PATJ: variants seen among roughly 807,000 people sequenced by gnomAD.
The protein encoded by PATJ is inaD-like protein.
In PATJ, 190 loss-of-function variants were observed where a neutral mutation model predicts 224.9. The observed-to-expected ratio is 0.84, with a 90% confidence interval of 0.75 to 0.95. PATJ has a LOEUF of 0.95. PATJ is among the 40% of genes least tolerant of loss of function. The pLI, the probability that PATJ is intolerant of heterozygous loss-of-function variation, is 0.00. For missense variants in PATJ, 2,121 were observed against 2,270.3 expected, an observed-to-expected ratio of 0.93 and a Z score of 1.34; for synonymous variants, 769 against 820.3, an observed-to-expected ratio of 0.94 and a Z score of 1.07.
At chr1:61,934,931 G>C (rs1271508477) in intron 27 of PATJ, among the ~76,000 whole-genome samples, 7 of 152,162 alleles carry the variant, frequency 4.6e-5, no homozygotes, top group Non-Finnish European at 1.0e-4. Flanking sequence ...GTGCAGAACA[G>C]CTTGACTTCT....
intron 3 of PATJ, among the ~76,000 whole-genome samples, chr1:61,764,837 A>C (rs1355067921): frequency 2.0e-5 from 3 of 152,130 alleles, no homozygotes; most frequent in African/African-American, 7.2e-5. Context: ...TGGTCACAGA[A>C]TATCACAATA....
intron 25 of PATJ, among the ~76,000 whole-genome samples, chr1:61,912,858 G>A (rs1283283670): frequency 6.6e-6 from 1 of 152,148 alleles, no homozygotes; most frequent in Non-Finnish European, 1.5e-5. Context: ...GACTTGTCAG[G>A]GAGGCAAAGT....
chr1:62,043,114 G>A (rs1437868417), intron 30 of PATJ, among the ~76,000 whole-genome samples: 1 of 152,118 alleles, frequency 6.6e-6, no homozygotes, highest in Non-Finnish European at 1.5e-5. Context: ...AATTACCTGT[G>A]GGCATACAAC....
At chr1:62,104,069 A>T (rs1263743115) in intron 33 of PATJ, among the ~76,000 whole-genome samples, 8 of 140,572 alleles carry the variant, frequency 5.7e-5, no homozygotes, top group Non-Finnish European at 3.1e-5. Context: ...AATCACTGGT[A>T]TTTGTAGGCT....
At chr1:61,853,214 T>C (rs1447242310) in intron 17 of PATJ, among the ~76,000 whole-genome samples, 1 of 152,208 alleles carries the variant, frequency 6.6e-6, no homozygotes, top group Non-Finnish European at 1.5e-5. Context: ...AAGGAAAATA[T>C]ATTCACCTTT....
rs187607587 is a variant in PATJ, at chr1:61,859,813, T to G, written c.2323-1738T>G. Among the ~76,000 whole-genome samples, 17 of 152,234 alleles carry G rather than the reference T, an allele frequency of 1.1e-4. 1 individual carries two copies. In the East Asian group the frequency reaches 3.3e-3, roughly 29 times the overall value. ...TTTTGTATTTTTAGTAGAGACAGTG[T>G]TTCTCCAGGCTGGGCAGGTTGGTCT... On this transcript the variant is annotated intron_variant, in intron 18 of 43. Coordinates refer to ENST00000642238, the MANE Select transcript of PATJ (RefSeq NM_001350145.3).
At chr1:61,905,945 A>G (rs185324317) in intron 24 of PATJ, among the ~76,000 whole-genome samples, 126 of 152,284 alleles carry the variant, frequency 8.3e-4, no homozygotes, top group Non-Finnish European at 1.4e-3. Context: ...TTCCAATACT[A>G]TGTACTTGGA....
chr1:62,151,485 G>C lies in PATJ; in HGVS notation c.5379-1873G>C, dbSNP rs542637238. Among the ~76,000 whole-genome samples the C allele has an allele frequency of 1.2e-4, 19 of 152,248 alleles. No homozygotes were observed. In the East Asian group the frequency reaches 3.3e-3, roughly 26 times the overall value. On this transcript the variant is annotated intron_variant, in intron 42 of 43. Coordinates refer to ENST00000642238, the MANE Select transcript of PATJ (RefSeq NM_001350145.3). ...AGGCGCCTGTAGTCCCAGCTACTCG[G>C]GAGGCTGAGGCAGGAGAATGGCATA...
intron 33 of PATJ, among the ~76,000 whole-genome samples, chr1:62,104,203 T>C (rs1662592684): frequency 1.3e-5 from 2 of 152,130 alleles, no homozygotes; most frequent in Non-Finnish European, 2.9e-5. Flanking sequence ...AGCATTAAAA[T>C]TTAGGAGGAT....
chr1:62,053,039 G>C (rs1364962260), intron 31 of PATJ, among the ~76,000 whole-genome samples: 1 of 152,184 alleles, frequency 6.6e-6, no homozygotes, highest in Non-Finnish European at 1.5e-5. Flanking sequence ...GAAGAATCTG[G>C]TAGTCCCAGC....
intron 29 of PATJ, among the ~76,000 whole-genome samples, chr1:62,024,883 C>T (rs1469346520): frequency 1.3e-5 from 2 of 152,084 alleles, no homozygotes; most frequent in African/African-American, 4.8e-5. Flanking sequence ...TGACTTGATA[C>T]GAATGGTGTT....
rs1429394767 is a variant in PATJ, at chr1:62,086,883, G to A, written c.4377+2235G>A. 6.6e-6 allele frequency among the ~76,000 whole-genome samples: 1 copy of A among 152,132 alleles called. No homozygotes were observed. Among genetic ancestry groups the A allele is most frequent in the Non-Finnish European group, 1.5e-5 (1 of 68,022 alleles). ...GTGCCGGCAGGAGCAGGCTCTGTGG[G>A]GTCCCCTCGGCCAGACCAGGTAGGG... On this transcript the variant is annotated intron_variant, in intron 33 of 43. Coordinates refer to ENST00000642238, the MANE Select transcript of PATJ (RefSeq NM_001350145.3). This position sits in a 1 kb window ranked among gnomAD's most constrained non-coding sequence, Gnocchi z 4.0.
chr1:62,042,512 A>T (rs189061173), intron 30 of PATJ, among the ~76,000 whole-genome samples: 1 of 152,364 alleles, frequency 6.6e-6, no homozygotes, highest in Admixed American at 6.5e-5. Flanking sequence ...TCAAATCATA[A>T]CCAAATAGAT....
chr1:62,135,982 C>T (rs1166651576), intron 41 of PATJ, among the ~76,000 whole-genome samples: 2 of 146,274 alleles, frequency 1.4e-5, no homozygotes, highest in East Asian at 4.1e-4. Flanking sequence ...TCGAATTTTA[C>T]TCCAAGTGCT....
At chr1:61,954,490 G>C (rs1680154044) in intron 27 of PATJ, among the ~76,000 whole-genome samples, 1 of 152,046 alleles carries the variant, frequency 6.6e-6, no homozygotes, top group Non-Finnish European at 1.5e-5. Flanking sequence ...TATAAGTATA[G>C]GTTAAACACT....
chr1:62,121,342 T>TA (rs5774582), intron 38 of PATJ, 47 bp downstream of exon 38: 350,967 of 839,958 alleles, frequency 0.42, 34,004 homozygotes, highest in Middle Eastern at 0.5. Context: ...TTACCCAAAT[T>TA]AAAAAAAAAA....
At chr1:62,062,962 T>A (rs2148652442) in intron 31 of PATJ, among the ~76,000 whole-genome samples, 1 of 152,324 alleles carries the variant, frequency 6.6e-6, no homozygotes, top group Admixed American at 6.5e-5. Flanking sequence ...GTAGGTTGTC[T>A]GTTTACTCTG....
At chr1:62,031,127 C>T (rs34435845) in intron 29 of PATJ, among the ~76,000 whole-genome samples, 15,832 of 152,124 alleles carry the variant, frequency 0.1, 985 homozygotes, top group South Asian at 0.16. Flanking sequence ...GTTACATACC[C>T]GTCAGGGTTC....
intron 41 of PATJ, among the ~76,000 whole-genome samples, chr1:62,138,150 CT>C (rs1265430690): frequency 7.2e-5 from 11 of 152,142 alleles, no homozygotes; most frequent in African/African-American, 2.7e-4. Flanking sequence ...CCTAGTGAGA[CT>C]TTAAGTAAAC....
Sources: allele counts gnomAD v4.1 joint callset (sites outside exome capture counted in the v4.1 genomes callset), GRCh38; gene constraint gnomAD v4.1.1; non-coding constraint Gnocchi (gnomAD v3.1); transcripts MANE v1.5; gene names NCBI Gene and HGNC (gene_info 2026-07-23, HGNC 2026-07-21).